NHERF1: variants seen among roughly 807,000 people sequenced by gnomAD.
NHERF1 encodes NHERF family PDZ scaffold protein 1, also known as Na(+)/H(+) exchange regulatory cofactor NHE-RF1.
At chr17:74,768,298 TG>T in the NHERF1 span, 1 of 1,412,738 alleles carries the variant, frequency 7.1e-7, no homozygotes, top group Non-Finnish European at 1.0e-6. Flanking sequence ...AGGCCCCACT[TG>T]TTCCTGGCAC....
the NHERF1 span, among the ~76,000 whole-genome samples, chr17:74,757,806 C>T: frequency 6.6e-6 from 1 of 152,210 alleles, no homozygotes. Flanking sequence ...CCCCTTCCAT[C>T]CTCTTGTTGG....
the NHERF1 span, among the ~76,000 whole-genome samples, chr17:74,766,182 T>C: frequency 2.0e-5 from 3 of 151,892 alleles, no homozygotes; most frequent in Non-Finnish European, 2.9e-5. Context: ...TTTTTTGGTT[T>C]GTTTTTTTTG....
the NHERF1 span, among the ~76,000 whole-genome samples, chr17:74,764,845 CTG>C: frequency 3.3e-5 from 5 of 152,334 alleles, no homozygotes; most frequent in African/African-American, 1.2e-4. This position sits in a 1 kb window ranked among gnomAD's most constrained non-coding sequence, Gnocchi z 4.9. Context: ...ACCCTGACCA[CTG>C]TGAGCTGATG....
chr17:74,750,399 G>A, the NHERF1 span, among the ~76,000 whole-genome samples: 2 of 152,218 alleles, frequency 1.3e-5, no homozygotes, highest in African/African-American at 4.8e-5. Context: ...GGGAGTGTCC[G>A]TGGGGCTACG....
chr17:74,762,205 G>GC, the NHERF1 span: 1 of 1,585,414 alleles, frequency 6.3e-7, no homozygotes, highest in East Asian at 2.3e-5. The surrounding 1 kb of genome is among the most constrained non-coding windows in gnomAD (Gnocchi z 4.2). Context: ...CTATCTGACT[G>GC]CCCCCACCCC....
chr17:74,751,797 C>T, the NHERF1 span, among the ~76,000 whole-genome samples: 21 of 152,326 alleles, frequency 1.4e-4, no homozygotes, highest in African/African-American at 4.6e-4. This position sits in a 1 kb window ranked among gnomAD's most constrained non-coding sequence, Gnocchi z 4.3. Context: ...GAGTGCCGGC[C>T]GGGCAGAGCC....
the NHERF1 span, among the ~76,000 whole-genome samples, chr17:74,761,369 C>T: frequency 6.6e-6 from 1 of 152,308 alleles, no homozygotes; most frequent in Non-Finnish European, 1.5e-5. The surrounding 1 kb of genome is among the most constrained non-coding windows in gnomAD (Gnocchi z 4.3). Context: ...TTGTCCAGGT[C>T]CCCTTGCTGT....
the NHERF1 span, chr17:74,768,614 G>C: frequency 6.2e-7 from 1 of 1,614,150 alleles, no homozygotes; most frequent in Non-Finnish European, 8.5e-7. Context: ...GGGCCCCGCA[G>C]ATGGACTGGA....
At chr17:74,760,157 T>C in the NHERF1 span, among the ~76,000 whole-genome samples, 1 of 152,058 alleles carries the variant, frequency 6.6e-6, no homozygotes, top group Admixed American at 6.5e-5. The surrounding 1 kb of genome is among the most constrained non-coding windows in gnomAD (Gnocchi z 4.5). Context: ...GTGGAGGGAT[T>C]AGCTCTAGGG....
At chr17:74,757,831 T>G in the NHERF1 span, among the ~76,000 whole-genome samples, 2 of 152,152 alleles carry the variant, frequency 1.3e-5, no homozygotes, top group East Asian at 3.9e-4. Context: ...GATTTTCCTG[T>G]ATTGGGCATG....
At chr17:74,753,440 G>T in the NHERF1 span, among the ~76,000 whole-genome samples, 1 of 152,194 alleles carries the variant, frequency 6.6e-6, no homozygotes, top group Non-Finnish European at 1.5e-5. Flanking sequence ...AACAGAGCTT[G>T]AGCTGCTGGG....
At chr17:74,759,250 C>G in the NHERF1 span, among the ~76,000 whole-genome samples, 69 of 152,344 alleles carry the variant, frequency 4.5e-4, no homozygotes, top group Middle Eastern at 3.4e-3. Context: ...TGGAGCAGGT[C>G]CCAGTGCAGG....
chr17:74,768,441 AC>A, the NHERF1 span: 1 of 1,613,344 alleles, frequency 6.2e-7, no homozygotes, highest in Non-Finnish European at 8.5e-7. Flanking sequence ...CTGACTCCCA[AC>A]TTCCTGCCCC....
At chr17:74,749,295 G>A in the NHERF1 span, 32 of 1,526,472 alleles carry the variant, frequency 2.1e-5, no homozygotes, top group Non-Finnish European at 2.8e-5. The surrounding 1 kb of genome is among the most constrained non-coding windows in gnomAD (Gnocchi z 5.6). Context: ...CAGGTAAGCG[G>A]GGCCCAAGCC....
chr17:74,752,965 A>G, the NHERF1 span, among the ~76,000 whole-genome samples: 2 of 152,152 alleles, frequency 1.3e-5, no homozygotes, highest in African/African-American at 2.4e-5. Flanking sequence ...ACAGTCAGGG[A>G]CCTTTGTCCT....
At chr17:74,760,984 A>AG in the NHERF1 span, among the ~76,000 whole-genome samples, 1 of 152,170 alleles carries the variant, frequency 6.6e-6, no homozygotes, top group Admixed American at 6.5e-5. This position sits in a 1 kb window ranked among gnomAD's most constrained non-coding sequence, Gnocchi z 4.5. Context: ...CCAGGCCTGG[A>AG]GGAGGGGGAG....
At chr17:74,749,117 G>A in the NHERF1 span, 40 of 1,576,968 alleles carry the variant, frequency 2.5e-5, no homozygotes, top group Non-Finnish European at 3.3e-5. This position sits in a 1 kb window ranked among gnomAD's most constrained non-coding sequence, Gnocchi z 5.6. Flanking sequence ...CCTGCTGGTG[G>A]TCGACCCCGA....
At chr17:74,766,819 T>TTA in the NHERF1 span, 6 of 994,322 alleles carry the variant, frequency 6.0e-6, no homozygotes, top group Non-Finnish European at 9.7e-6. Flanking sequence ...CAAAAAAGTT[T>TTA]GAGATGTTGA....
At chr17:74,752,490 T>TTTTTTG in the NHERF1 span, among the ~76,000 whole-genome samples, 33 of 152,018 alleles carry the variant, frequency 2.2e-4, no homozygotes, top group Admixed American at 1.4e-3. Flanking sequence ...TTCCTTCACT[T>TTTTTTG]TTTTTGTTTT....
Sources: gnomAD v4.1 joint callset for allele counts (sites outside exome capture counted in the v4.1 genomes callset) on GRCh38, gnomAD v4.1.1 for gene constraint, Gnocchi (gnomAD v3.1) non-coding constraint, MANE v1.5 for transcripts, NCBI Gene and HGNC (gene_info 2026-07-23, HGNC 2026-07-21) for gene names.